MAP3K15: variants seen among roughly 807,000 people sequenced by gnomAD.
MAP3K15 encodes the protein mitogen-activated protein kinase kinase kinase 15.
Under a neutral mutation model 99.5 loss-of-function variants are expected in MAP3K15, and 124 were observed. The ratio of observed to expected loss-of-function variants is 1.25; its 90% confidence interval spans 1.08 to 1.45. The LOEUF (loss-of-function observed/expected upper bound fraction) is 1.45, where lower values mean the gene tolerates loss of function less well. Among genes scored for constraint, MAP3K15 ranks in the 40% most tolerant of loss-of-function variants. MAP3K15 has a pLI of 0.00. For synonymous variants in MAP3K15, 494 were observed against 439.6 expected (o/e 1.12, Z -1.55); for missense variants, 1,242 against 1,079.7 (o/e 1.15, Z -2.11).
Position 19,443,022 on chromosome X carries a change from C to CTTTTTTTTT in MAP3K15, c.996-11423_996-11415dup. On this transcript the variant is annotated intron_variant, in intron 6 of 28. Coordinates refer to ENST00000338883, the MANE Select transcript of MAP3K15 (RefSeq NM_001001671.4). The stretch of plus-strand genomic sequence containing the variant: ...GACAGGCATGAGCCACCATGCCCGG[C>CTTTTTTTTT]TTTTTTTTTTTTTTTTTTTTTTTTT... Among the ~76,000 whole-genome samples the CTTTTTTTTT allele has an allele frequency of 1.7e-4, 3 of 17,240 alleles. 1 individual carries two copies. The highest frequency in any genetic ancestry group is 2.7e-4 in the Non-Finnish European group (3 of 11,291). The allele number at this position is 17,240 out of a possible 115,157, so 15.0% of individuals were successfully genotyped here. A position where few individuals can be genotyped will look rare whatever the true frequency, so the allele number is the denominator to read the frequency against.
At chrX:19,390,769 A>G (rs2063522738) in intron 18 of MAP3K15, among the ~76,000 whole-genome samples, 4 of 106,125 alleles carry the variant, frequency 3.8e-5, no homozygotes, top group Admixed American at 1.0e-4. Context: ...GCTGGCCTCA[A>G]GTGATCCTCC....
chrX:19,507,708 C>A (rs746677375), intron 1 of MAP3K15, among the ~76,000 whole-genome samples: 58 of 108,187 alleles, frequency 5.4e-4, no homozygotes, highest in Non-Finnish European at 9.0e-4. Flanking sequence ...TCACAAGTGC[C>A]GTAGTCTGGT....
In MAP3K15 at chrX:19,415,490, C is replaced by T. The variant is rs771661000; in HGVS notation, c.1440-233G>A. 2.1e-4 allele frequency among the ~76,000 whole-genome samples: 23 copies of T among 112,095 alleles called. 1 individual carries two copies. The highest frequency in any genetic ancestry group is 1.9e-3 in the Admixed American group (20 of 10,495). On this transcript the variant is annotated intron_variant, in intron 9 of 28. Coordinates refer to ENST00000338883, the MANE Select transcript of MAP3K15 (RefSeq NM_001001671.4). ...AACGTGGCTTTTTACCAACATTGTG[C>T]TAACCCCAATTTTAGTACCTACTGC...
At chrX:19,496,902 C>T (rs1210126527) in intron 1 of MAP3K15, 1 of 110,787 alleles carries the variant, frequency 9.0e-6, no homozygotes, top group African/African-American at 3.3e-5. Context: ...TCAGCAGTAT[C>T]TGTCCCCATA....
At chrX:19,367,723 A>ACTTTTTTTTTTTTTTTTTTT (rs2063344451) in intron 25 of MAP3K15, among the ~76,000 whole-genome samples, 1 of 24,139 alleles carries the variant, frequency 4.1e-5, no homozygotes, top group African/African-American at 1.3e-4. Context: ...ATAACTATGG[A>ACTTTTTTTTTTTTTTTTTTT]TTTTTTTTTT....
In MAP3K15 at chrX:19,488,829, T is replaced by G. The variant is rs1444126445; in HGVS notation, c.500A>C (p.Lys167Thr). The G allele has an allele frequency of 3.3e-6, 4 of 1,198,239 alleles. No homozygotes were observed. In the South Asian group the frequency reaches 7.1e-5, roughly 21 times the overall value. ...DTDADTALSL[K>T]DMVTQKNTAS... ...CAGGAGAAGGTGAATACACTGTACC[T>G]TCAAAGAGAGAGCAGTGTCGGCATC... Residue 167 changes from lysine (K) to threonine (T), a missense_variant and splice_region_variant, in exon 2 of 29, where the codon AAG becomes ACG. Physicochemically the swap from Lys to Thr is moderately conservative, Grantham distance 78 (BLOSUM62 -1). Coordinates refer to ENST00000338883, the MANE Select transcript of MAP3K15 (RefSeq NM_001001671.4).
At chrX:19,431,248 T>A (rs958267815) in intron 7 of MAP3K15, among the ~76,000 whole-genome samples, 190 bp downstream of exon 7, 3 of 111,329 alleles carry the variant, frequency 2.7e-5, no homozygotes, top group Non-Finnish European at 3.8e-5. Context: ...GTGTGACCAG[T>A]AGAAAACCCT....
chrX:19,405,524 C>A (rs548605019), intron 13 of MAP3K15, among the ~76,000 whole-genome samples: 13 of 112,442 alleles, frequency 1.2e-4, no homozygotes, highest in Middle Eastern at 4.6e-3. Flanking sequence ...CAACTCAATG[C>A]AACATGTGAT....
At chrX:19,511,851 C>G (rs920772792) in intron 1 of MAP3K15, among the ~76,000 whole-genome samples, 1 of 112,098 alleles carries the variant, frequency 8.9e-6, no homozygotes, top group Non-Finnish European at 1.9e-5. Context: ...TCATTCTACT[C>G]TAAAGACACA....
At chrX:19,453,768 A>G (rs1478738398) in intron 6 of MAP3K15, among the ~76,000 whole-genome samples, 1 of 112,292 alleles carries the variant, frequency 8.9e-6, no homozygotes, top group African/African-American at 3.2e-5. Context: ...AATGCATTAG[A>G]AAAGTGGGAA....
chrX:19,386,848 G>T (rs2063496850), intron 18 of MAP3K15, among the ~76,000 whole-genome samples: 1 of 110,937 alleles, frequency 9.0e-6, no homozygotes, highest in Admixed American at 9.6e-5. Flanking sequence ...TTTAGAGAGA[G>T]CTATGCTGGG....
intron 9 of MAP3K15, 69 bp downstream of exon 9, chrX:19,425,462 A>T (rs185121038): frequency 5.8e-6 from 6 of 1,031,275 alleles, no homozygotes; most frequent in Non-Finnish European, 7.7e-6. Context: ...CATAGTGATT[A>T]TAAGGAAGAC....
chrX:19,363,682 T>TCA lies in MAP3K15; in HGVS notation c.3567-834_3567-833dup, dbSNP rs762000572. Among the ~76,000 whole-genome samples, 873 of 106,618 alleles carry TCA rather than the reference T, an allele frequency of 8.2e-3. 7 individuals are homozygous for TCA. The highest frequency in any genetic ancestry group is 0.029 in the African/African-American group (828 of 28,685). 92.6% of individuals were successfully genotyped at this position (106,618 alleles called of 115,157 possible). A position where few individuals can be genotyped will look rare whatever the true frequency, so the allele number is the denominator to read the frequency against. On this transcript the variant is annotated intron_variant, in intron 25 of 28. Transcript: ENST00000338883. ...TTTTTTTTTTTTTGGAGACAGAGTC[T>TCA]CACTCTGTGGCCCAGGCTGGAGTGC...
At chrX:19,397,015 T>G (rs2063572432) in intron 15 of MAP3K15, among the ~76,000 whole-genome samples, 1 of 108,878 alleles carries the variant, frequency 9.2e-6, no homozygotes, top group Admixed American at 9.9e-5. Flanking sequence ...TTCTCGTGCC[T>G]CAGCCTCCAG....
intron 6 of MAP3K15, among the ~76,000 whole-genome samples, chrX:19,433,964 A>C (rs1392656609): frequency 9.0e-6 from 1 of 111,552 alleles, no homozygotes; most frequent in Non-Finnish European, 1.9e-5. Flanking sequence ...AAAGGGACAG[A>C]TCCACGTGTA....
At chrX:19,498,201 T>C (rs941226106) in intron 1 of MAP3K15, among the ~76,000 whole-genome samples, 1 of 111,787 alleles carries the variant, frequency 8.9e-6, no homozygotes, top group Non-Finnish European at 1.9e-5. Context: ...ACTTAATACT[T>C]TGTGAAAAAG....
Position 19,380,248 on chromosome X carries a change from T to C in MAP3K15, c.2461A>G (p.Ile821Val). 4 of 1,208,521 alleles carry C rather than the reference T, an allele frequency of 3.3e-6. No homozygotes were observed. The highest frequency in any genetic ancestry group is 4.5e-6 in the Non-Finnish European group (4 of 894,453). ...CCATATCCGCGAGGCCCTTGGTCAATTATCTCAGGTGCCATGTACTGCAGG... is the reference window on the plus strand; with the variant it reads ...CCATATCCGCGAGGCCCTTGGTCAACTATCTCAGGTGCCATGTACTGCAGG... ...GTLQYMAPEI[I>V]DQGPRGYGAP... The change falls in exon 19 of 29, where the codon ATT (isoleucine) becomes GTT (valine). Residue 821 changes from isoleucine to valine, a missense_variant. By Grantham distance (29) the Ile-to-Val change is conservative. Coordinates refer to ENST00000338883, the MANE Select transcript of MAP3K15 (RefSeq NM_001001671.4).
intron 1 of MAP3K15, among the ~76,000 whole-genome samples, chrX:19,490,513 C>T (rs1005268995): frequency 2.7e-5 from 3 of 110,914 alleles, no homozygotes; most frequent in Non-Finnish European, 3.8e-5. Context: ...TTTAGTTGGC[C>T]GAGGTGGGCA....
intron 25 of MAP3K15, 110 bp downstream of exon 25, chrX:19,368,944 C>G: frequency 1.2e-6 from 1 of 858,994 alleles, no homozygotes; most frequent in African/African-American, 2.1e-5. Context: ...GCTGCTTTTT[C>G]CTAAGACCTG....
Sources: allele counts gnomAD v4.1 joint callset (sites outside exome capture counted in the v4.1 genomes callset), GRCh38; gene constraint gnomAD v4.1.1; transcripts MANE v1.5; gene names NCBI Gene and HGNC (gene_info 2026-07-23, HGNC 2026-07-21).